Variants in CTSC observed in about 807,000 individuals in gnomAD.
CTSC encodes cathepsin C.
In CTSC, 37 loss-of-function variants were observed where a neutral mutation model predicts 40.9. The ratio of observed to expected loss-of-function variants is 0.91; its 90% CI spans 0.70 to 1.19. The LOEUF is 1.19. Ranked by LOEUF, CTSC falls within the 50% of genes most tolerant of loss-of-function variation. CTSC has a pLI of 0.00. For missense variants in CTSC, 594 were observed against 567.3 expected, an observed-to-expected ratio of 1.05 and a Z score of -0.48; for synonymous variants, 232 against 207.4, an observed-to-expected ratio of 1.12 and a Z score of -1.02.
At chr11:88,336,872 ACAT>A (rs1364537100) in intron 1 of CTSC, among the ~76,000 whole-genome samples, 2 of 152,216 alleles carry the variant, frequency 1.3e-5, no homozygotes, top group Non-Finnish European at 2.9e-5. Context: ...CATGAGCCAA[ACAT>A]TGTGCAGACT....
intron 3 of CTSC, 80 bp from the exon 4 acceptor site, chr11:88,309,398 G>A: frequency 8.3e-7 from 1 of 1,207,360 alleles, no homozygotes; most frequent in Middle Eastern, 2.1e-4. Flanking sequence ...TTCACACTCT[G>A]TGCCTAAGTG....
intron 4 of CTSC, among the ~76,000 whole-genome samples, chr11:88,302,468 A>G (rs1399639016): frequency 6.6e-6 from 1 of 150,766 alleles, no homozygotes; most frequent in Non-Finnish European, 1.5e-5. Context: ...CTAAAAATAC[A>G]AAAAAAAATT....
chr11:88,316,222 G>C (rs1045856601), intron 2 of CTSC, among the ~76,000 whole-genome samples: 1 of 152,082 alleles, frequency 6.6e-6, no homozygotes, highest in Non-Finnish European at 1.5e-5. Flanking sequence ...ATGCCTTCAG[G>C]CCTAGACTGC....
chr11:88,337,390 C>A (rs1007599196), intron 1 of CTSC, 111 bp downstream of exon 1: 1 of 1,139,236 alleles, frequency 8.8e-7, no homozygotes, highest in South Asian at 1.3e-5. Context: ...TCAAGATGCT[C>A]TGGCCACCCA....
intron 2 of CTSC, among the ~76,000 whole-genome samples, chr11:88,327,266 C>T (rs1225504602): frequency 1.3e-5 from 2 of 152,170 alleles, no homozygotes; most frequent in African/African-American, 4.8e-5. Context: ...TGGGTCACTG[C>T]TGGTTCATTA....
chr11:88,326,000 A>T (rs1183407546), intron 2 of CTSC: 2 of 1,020,394 alleles, frequency 2.0e-6, no homozygotes, highest in African/African-American at 3.4e-5. Flanking sequence ...CGCTGTGAAT[A>T]AAACAAAACA....
intron 2 of CTSC, among the ~76,000 whole-genome samples, chr11:88,313,923 T>C (rs919604335): frequency 5.9e-5 from 9 of 152,178 alleles, no homozygotes; most frequent in African/African-American, 1.4e-4. Flanking sequence ...CTTAGTTCTC[T>C]TGCAACTGTT....
At chr11:88,326,985 T>C (rs1591240748) in intron 2 of CTSC, among the ~76,000 whole-genome samples, 2 of 152,150 alleles carry the variant, frequency 1.3e-5, no homozygotes, top group East Asian at 3.8e-4. Flanking sequence ...AAAAAAATAG[T>C]GAACCTATCT....
intron 5 of CTSC, chr11:88,299,066 T>A (rs2134769222): frequency 6.6e-6 from 1 of 152,272 alleles, no homozygotes; most frequent in East Asian, 1.9e-4. Flanking sequence ...GTCATATTAG[T>A]CTTCATTTCC....
chr11:88,296,394 T>C (rs1219693989), intron 5 of CTSC, 130 bp from the exon 6 acceptor site: 5 of 1,135,822 alleles, frequency 4.4e-6, no homozygotes, highest in African/African-American at 1.5e-5. Flanking sequence ...ATCAGCACAA[T>C]AAGAAGACTC....
In CTSC at chr11:88,326,916, A is replaced by G. The variant is rs369650988; in HGVS notation, c.318+8021T>C. 3.3e-4 allele frequency among the ~76,000 whole-genome samples: 51 copies of G among 152,330 alleles called. No homozygotes were observed. In the South Asian group the frequency reaches 9.1e-3, roughly 27 times the overall value. ...TCTCCCTAACTAGGAGAAAGAGTGA[A>G]GAGTTAAGGATAAAATTTTGTAAAC... is the stretch of plus-strand genomic sequence containing the variant. On this transcript the variant is annotated intron_variant, in intron 2 of 6. Coordinates refer to ENST00000227266, the MANE Select transcript of CTSC (RefSeq NM_001814.6).
In CTSC at chr11:88,293,809, A is replaced by G; in HGVS notation, c.*197T>C. On this transcript the variant is annotated 3_prime_UTR_variant, in exon 7 of 7. Transcript: ENST00000227266. ...TTCCAGAAAATTCCCACTTAATTGAATACTTAGAAAAAAATGGCCAGTGGC... is the reference window on the plus strand; with the variant it reads ...TTCCAGAAAATTCCCACTTAATTGAGTACTTAGAAAAAAATGGCCAGTGGC... 1 of 637,192 alleles carries G rather than the reference A, an allele frequency of 1.6e-6. No individual in the cohort carries two copies. The highest frequency in any genetic ancestry group is 1.9e-5 in the South Asian group (1 of 51,712). The allele number at this position is 637,192 out of a possible 1,614,324, so 39.5% of individuals were successfully genotyped here.
chr11:88,298,908 C>A (rs1286515278), intron 5 of CTSC: 1 of 152,104 alleles, frequency 6.6e-6, no homozygotes, highest in Non-Finnish European at 1.5e-5. Flanking sequence ...TCAATCATTT[C>A]TTTTGGGAAG....
chr11:88,307,307 T>C (rs1937656090), intron 4 of CTSC, among the ~76,000 whole-genome samples: 1 of 152,200 alleles, frequency 6.6e-6, no homozygotes, highest in Non-Finnish European at 1.5e-5. Flanking sequence ...AAGCAAAGTA[T>C]GGCATTACAG....
Position 88,337,574 on chromosome 11 carries a change from A to G in CTSC, c.99T>C (p.Leu33=). ...GGAAGACCCAGGTGCCCAGCAGGTC[A>G]AGATAGGTGCAGTTGGCAGGTGTGT... ...RCDTPANCTY[L]DLLGTWVFQV... Residue 33 remains leucine (L), a synonymous_variant, in exon 1 of 7, where the codon CTT becomes CTC. Transcript: ENST00000227266. 8 of 1,577,220 alleles carry G rather than the reference A, an allele frequency of 5.1e-6. No individual in the cohort carries two copies. The highest frequency in any genetic ancestry group is 6.9e-6 in the Non-Finnish European group (8 of 1,160,590).
chr11:88,310,983 G>A (rs533946408), intron 3 of CTSC, among the ~76,000 whole-genome samples: 16 of 152,034 alleles, frequency 1.1e-4, no homozygotes, highest in South Asian at 2.1e-4. Flanking sequence ...AGCATCCTAC[G>A]TCTTAAATAC....
intron 5 of CTSC, chr11:88,299,014 T>A (rs748418169): frequency 6.6e-6 from 1 of 152,204 alleles, no homozygotes; most frequent in Non-Finnish European, 1.5e-5. Context: ...ATGTTTTGCT[T>A]GTATGTCTTG....
At chr11:88,334,744 T>C (rs1209017994) in intron 2 of CTSC, 193 bp downstream of exon 2, 6 of 577,112 alleles carry the variant, frequency 1.0e-5, no homozygotes, top group South Asian at 2.2e-5. Context: ...CACTGGTATT[T>C]TGTAAACCTA....
chr11:88,331,723 C>G lies in CTSC; in HGVS notation c.318+3214G>C, dbSNP rs186757478. Among the ~76,000 whole-genome samples, 126 of 152,254 alleles carry G rather than the reference C, an allele frequency of 8.3e-4. 1 individual carries two copies. Among genetic ancestry groups the G allele is most frequent in the Non-Finnish European group, 1.7e-3 (114 of 68,012 alleles). On this transcript the variant is annotated intron_variant, in intron 2 of 6. Transcript: ENST00000227266. ...GGACATGATCTAAACCTAACAAGGCCTGTCTGTTCAGATTCTTCTTGGTGT... is the reference window on the plus strand; with the variant it reads ...GGACATGATCTAAACCTAACAAGGCGTGTCTGTTCAGATTCTTCTTGGTGT...
Sources: gnomAD v4.1 joint callset for allele counts (sites outside exome capture counted in the v4.1 genomes callset) on GRCh38, gnomAD v4.1.1 for gene constraint, MANE v1.5 for transcripts, NCBI Gene and HGNC (gene_info 2026-07-23, HGNC 2026-07-21) for gene names.